Variants in B9D1 observed in about 807,000 individuals in gnomAD.
The protein encoded by B9D1 is B9 domain containing 1.
In B9D1, 20 loss-of-function variants were observed where a neutral mutation model predicts 26.1. The observed-to-expected ratio is 0.77, with a 90% CI of 0.54 to 1.12. B9D1 has a LOEUF of 1.12. Ranked by LOEUF, B9D1 falls within the 50% of genes most tolerant of loss-of-function variation. B9D1 has a pLI of 0.00. For synonymous variants in B9D1, 105 were observed against 103.1 expected (o/e 1.02, Z -0.11); for missense variants, 260 against 273.7 (o/e 0.95, Z 0.35).
chr17:19,340,256 C>T (rs1299998034), downstream of B9D1, among the ~76,000 whole-genome samples: 1 of 151,984 alleles, frequency 6.6e-6, no homozygotes, highest in Non-Finnish European at 1.5e-5. Context: ...CTGCAACCTC[C>T]ACCTCCCGGG....
intron 3 of B9D1, 62 bp downstream of exon 3, chr17:19,357,778 T>TGTCTTGGGG: frequency 8.3e-7 from 1 of 1,205,328 alleles, no homozygotes; most frequent in South Asian, 1.2e-5. Flanking sequence ...AGGCAGAGGC[T>TGTCTTGGGG]GTCTTGGGGG....
Position 19,370,439 on chromosome 17 carries a change from TG to T in B9D1, c.-298+7419del, listed in dbSNP as rs1911837480. 6.6e-6 allele frequency among the ~76,000 whole-genome samples: 1 copy of T among 152,190 alleles called. No homozygotes were observed. The highest frequency in any genetic ancestry group is 1.5e-5 in the Non-Finnish European group (1 of 68,046). On this transcript the variant is annotated intron_variant, in intron 1 of 5. Coordinates refer to the B9D1 transcript ENST00000477478. The surrounding 1 kb of genome is among the most constrained non-coding windows in gnomAD (Gnocchi z 5.1). ...TGTGGCTGTGTGGTTGACATCTCGA[TG>T]ACATGTGCTGTGTGTGTCCCTCACA...
chr17:19,354,600 T>C (rs1465933486), intron 3 of B9D1, among the ~76,000 whole-genome samples: 1 of 152,108 alleles, frequency 6.6e-6, no homozygotes, highest in Non-Finnish European at 1.5e-5. Flanking sequence ...GAGGCTGAGG[T>C]GGCTGGATCA....
chr17:19,369,647 G>A (rs1408035050), intron 1 of B9D1, among the ~76,000 whole-genome samples: 2 of 152,102 alleles, frequency 1.3e-5, no homozygotes, highest in African/African-American at 2.4e-5. Flanking sequence ...GGCAGATGTG[G>A]TCATCCAGGT....
intron 3 of B9D1, among the ~76,000 whole-genome samples, chr17:19,353,357 GTCAGGCGCAGTGCCTCAGGTCTGT>G (rs1195745865): frequency 6.6e-6 from 1 of 152,008 alleles, no homozygotes; most frequent in Non-Finnish European, 1.5e-5. Flanking sequence ...TACAAAATTG[GTCAGGCGCAGTGCCTCAGGTCTGT>G]AATCCCAGCA....
chr17:19,345,902 T>C (rs1021286112), intron 5 of B9D1, among the ~76,000 whole-genome samples: 8 of 152,188 alleles, frequency 5.3e-5, no homozygotes, highest in Admixed American at 1.3e-4. Flanking sequence ...ATTCTGCCAA[T>C]CAAACTGCCT....
Position 19,370,277 on chromosome 17 carries a change from A to G in B9D1, c.-298+7582T>C, listed in dbSNP as rs1008133866. 2.6e-5 allele frequency among the ~76,000 whole-genome samples: 4 copies of G among 152,226 alleles called. No homozygotes were observed. The highest frequency in any genetic ancestry group is 5.9e-5 in the Non-Finnish European group (4 of 68,040). On this transcript the variant is annotated intron_variant, in intron 1 of 5. Transcript: ENST00000477478. This position sits in a 1 kb window ranked among gnomAD's most constrained non-coding sequence, Gnocchi z 5.1. The stretch of plus-strand genomic sequence containing the variant: ...TGTGCAGAGTGGCTTCTCAGGGTGC[A>G]CACGGGGGAGATGTCGTAGGACAAC...
chr17:19,343,393 G>C lies in B9D1; in HGVS notation c.541C>G (p.Leu181Val). Residue 181 changes from leucine to valine, a missense_variant, in exon 7 of 7, where the codon CTG becomes GTG. Transcript: ENST00000261499. ...TCAGAAGGCCCAGTGTCATAGCCCA[G>C]TTTCCTCATGTCCTTGGTCACCACG... is the stretch of plus-strand genomic sequence containing the variant. ...FNVVTKDMRK[L>V]GYDTGPSDTQ... is the part of the protein sequence containing the mutation. 1 of 1,614,192 alleles carries C rather than the reference G, an allele frequency of 6.2e-7. No homozygotes were observed. Among genetic ancestry groups the C allele is most frequent in the Non-Finnish European group, 8.5e-7 (1 of 1,180,030 alleles).
intron 1 of B9D1, among the ~76,000 whole-genome samples, chr17:19,369,688 A>G (rs1911790494): frequency 6.6e-6 from 1 of 152,204 alleles, no homozygotes; most frequent in African/African-American, 2.4e-5. Context: ...AGAAAAATAC[A>G]GGATGCATGC....
intron 1 of B9D1, among the ~76,000 whole-genome samples, chr17:19,369,606 T>C (rs72838810): frequency 0.048 from 7,258 of 151,734 alleles, 228 homozygotes; most frequent in East Asian, 0.11. Flanking sequence ...TCTGTGTGGG[T>C]GTGGGGGGAA....
At chr17:19,354,666 A>G (rs1283904907) in intron 3 of B9D1, among the ~76,000 whole-genome samples, 1 of 151,980 alleles carries the variant, frequency 6.6e-6, no homozygotes. Context: ...CATCTCTACT[A>G]AAAATACAAA....
chr17:19,348,101 C>T (rs754741861), intron 3 of B9D1, among the ~76,000 whole-genome samples: 1 of 152,164 alleles, frequency 6.6e-6, no homozygotes, highest in Non-Finnish European at 1.5e-5. Flanking sequence ...CCTGGGCACA[C>T]ATTCCACACC....
At chr17:19,344,180 G>T (rs1046574736) in intron 5 of B9D1, among the ~76,000 whole-genome samples, 7 of 152,214 alleles carry the variant, frequency 4.6e-5, no homozygotes, top group Non-Finnish European at 8.8e-5. Context: ...AGATTCTGGG[G>T]TGGGGGTGCT....
chr17:19,341,061 AC>A (rs146622731), downstream of B9D1: 146 of 1,137,152 alleles, frequency 1.3e-4, 2 homozygotes, highest in African/African-American at 2.1e-3. Context: ...TGTGGTGTTC[AC>A]TGTAAAATGA....
At chr17:19,339,718 T>C (rs548794395), downstream of B9D1, among the ~76,000 whole-genome samples, 1 of 152,326 alleles carries the variant, frequency 6.6e-6, no homozygotes, top group African/African-American at 2.4e-5. Flanking sequence ...TCCTCCCTTA[T>C]GATGCTGCTT....
At chr17:19,339,442 C>T (rs1392797892), downstream of B9D1, among the ~76,000 whole-genome samples, 1 of 152,162 alleles carries the variant, frequency 6.6e-6, no homozygotes, top group Admixed American at 6.5e-5. Flanking sequence ...ATATAGATCT[C>T]CTGCTGTCCA....
upstream of B9D1, chr17:19,364,646 C>T (rs963703919): frequency 1.3e-5 from 2 of 152,352 alleles, no homozygotes; most frequent in African/African-American, 2.4e-5. This position sits in a 1 kb window ranked among gnomAD's most constrained non-coding sequence, Gnocchi z 4.3. Context: ...GACATCCAGC[C>T]GATCTGCACC....
upstream of B9D1, among the ~76,000 whole-genome samples, chr17:19,365,028 C>T (rs1228206664): frequency 6.6e-6 from 1 of 152,270 alleles, no homozygotes; most frequent in Non-Finnish European, 1.5e-5. The surrounding 1 kb of genome is among the most constrained non-coding windows in gnomAD (Gnocchi z 5.0). Flanking sequence ...TCTCAACCAT[C>T]CCAGGCTTCT....
chr17:19,337,979 A>C (rs1331689438), downstream of B9D1, among the ~76,000 whole-genome samples: 1 of 152,212 alleles, frequency 6.6e-6, no homozygotes, highest in African/African-American at 2.4e-5. Context: ...TCTGGCTCCC[A>C]GAGAGTTATT....
Sources: gnomAD v4.1 joint callset for allele counts (sites outside exome capture counted in the v4.1 genomes callset) on GRCh38, gnomAD v4.1.1 for gene constraint, Gnocchi (gnomAD v3.1) non-coding constraint, MANE v1.5 for transcripts, NCBI Gene and HGNC (gene_info 2026-07-23, HGNC 2026-07-21) for gene names.